CSMD1: variants seen among roughly 807,000 people sequenced by gnomAD.
CSMD1 encodes CUB and Sushi multiple domains 1.
A neutral mutation model predicts 417.5 loss-of-function variants in CSMD1; 213 were observed. That is an observed-to-expected ratio of 0.51 (90% CI 0.46 to 0.57). CSMD1 has a LOEUF of 0.57. Ranked by LOEUF, CSMD1 falls within the 20% of genes least tolerant of loss-of-function variation. The pLI is 0.00. For missense variants in CSMD1, 6,923 were observed against 4,529.7 expected (o/e 1.53, Z -15.17); for synonymous variants, 2,862 against 1,736.8 (o/e 1.65, Z -16.11).
intron 25 of CSMD1, among the ~76,000 whole-genome samples, chr8:3,298,177 G>T (rs771372358): frequency 1.3e-5 from 2 of 152,144 alleles, no homozygotes; most frequent in African/African-American, 4.8e-5. Context: ...AAAACTGATA[G>T]CACCTAATAC....
intron 3 of CSMD1, among the ~76,000 whole-genome samples, chr8:4,085,323 G>A (rs1563104126): frequency 6.6e-6 from 1 of 152,108 alleles, no homozygotes; most frequent in African/African-American, 2.4e-5. Context: ...AAGCTTCTTG[G>A]AGTAAGACAA....
intron 2 of CSMD1, among the ~76,000 whole-genome samples, chr8:4,553,694 A>G (rs1437024390): frequency 6.6e-6 from 1 of 152,178 alleles, no homozygotes; most frequent in African/African-American, 2.4e-5. Context: ...TATTTTTAGG[A>G]TTCTAGAGTG....
chr8:3,976,437 TC>T (rs1813441296), intron 5 of CSMD1, among the ~76,000 whole-genome samples: 1 of 152,304 alleles, frequency 6.6e-6, no homozygotes, highest in Admixed American at 6.5e-5. Context: ...GAAAGCAGTT[TC>T]CTTTTGTTTA....
At chr8:4,873,793 G>C (rs1441077835) in intron 1 of CSMD1, among the ~76,000 whole-genome samples, 5 of 152,036 alleles carry the variant, frequency 3.3e-5, no homozygotes, top group Non-Finnish European at 5.9e-5. Context: ...TTTGAAGCTG[G>C]AATCAACATA....
chr8:4,019,732 C>T (rs947458808), intron 4 of CSMD1, among the ~76,000 whole-genome samples: 5 of 152,148 alleles, frequency 3.3e-5, no homozygotes, highest in Non-Finnish European at 4.4e-5. Context: ...ATGAATGTGC[C>T]TGTTGTAGAA....
At chr8:3,486,152 T>G (rs574220927) in intron 11 of CSMD1, among the ~76,000 whole-genome samples, 1 of 152,386 alleles carries the variant, frequency 6.6e-6, no homozygotes, top group Non-Finnish European at 1.5e-5. Flanking sequence ...TATTTCATTT[T>G]CAAATTTGAT....
At chr8:3,156,840 A>C (rs1819565880) in intron 39 of CSMD1, among the ~76,000 whole-genome samples, 1 of 151,920 alleles carries the variant, frequency 6.6e-6, no homozygotes, top group Admixed American at 6.6e-5. Context: ...TTAGGAGGGG[A>C]CTGTGCCATC....
chr8:4,197,527 C>G (rs1472774858), intron 3 of CSMD1, among the ~76,000 whole-genome samples: 3 of 152,136 alleles, frequency 2.0e-5, no homozygotes, highest in African/African-American at 7.2e-5. Context: ...GTTCCCTTGC[C>G]TGATGGTCTT....
At chr8:4,077,053 C>G (rs1027789384) in intron 3 of CSMD1, among the ~76,000 whole-genome samples, 8 of 151,930 alleles carry the variant, frequency 5.3e-5, no homozygotes, top group Admixed American at 2.6e-4. Context: ...TGGTATCTAA[C>G]CCTTATTCTC....
At chr8:3,770,506 G>A (rs143625069) in intron 5 of CSMD1, among the ~76,000 whole-genome samples, 3 of 152,070 alleles carry the variant, frequency 2.0e-5, no homozygotes, top group Non-Finnish European at 4.4e-5. Flanking sequence ...CCCAGCCTGG[G>A]CAACAAAGTG....
chr8:4,566,761 C>A (rs566630865), intron 2 of CSMD1, among the ~76,000 whole-genome samples: 5 of 145,576 alleles, frequency 3.4e-5, no homozygotes, highest in Admixed American at 3.4e-4. Context: ...CTTTATATAA[C>A]AAAATTTATT....
intron 3 of CSMD1, among the ~76,000 whole-genome samples, chr8:4,410,518 G>A (rs760257718): frequency 6.6e-6 from 1 of 152,164 alleles, no homozygotes; most frequent in Non-Finnish European, 1.5e-5. Context: ...AAGAGAGACA[G>A]AAAGAGACTA....
intron 3 of CSMD1, among the ~76,000 whole-genome samples, chr8:4,121,690 G>C (rs1045163141): frequency 1.3e-5 from 2 of 150,394 alleles, no homozygotes; most frequent in Middle Eastern, 3.6e-3. Flanking sequence ...AAGTTGAAGA[G>C]GGTTTTCATC....
chr8:3,298,692 A>T (rs186476141), intron 25 of CSMD1, among the ~76,000 whole-genome samples: 232 of 152,296 alleles, frequency 1.5e-3, no homozygotes, highest in African/African-American at 5.2e-3. Context: ...GATCTCAGGT[A>T]ATCTGCCCGC....
chr8:3,374,511 A>G (rs1213225700), intron 18 of CSMD1, among the ~76,000 whole-genome samples: 1 of 152,202 alleles, frequency 6.6e-6, no homozygotes, highest in Admixed American at 6.5e-5. Context: ...AAGAACAAGA[A>G]TATTAAGTTG....
chr8:4,815,291 T>C (rs1420374060), intron 1 of CSMD1, among the ~76,000 whole-genome samples: 1 of 152,174 alleles, frequency 6.6e-6, no homozygotes, highest in Admixed American at 6.5e-5. Context: ...TGCATTTGTG[T>C]CCTTCCCTGC....
chr8:3,100,479 G>A (rs890974981), intron 46 of CSMD1, among the ~76,000 whole-genome samples: 4 of 152,188 alleles, frequency 2.6e-5, no homozygotes, highest in Non-Finnish European at 1.5e-5. Flanking sequence ...GAAAGGGACC[G>A]CAGTGCGGTC....
intron 4 of CSMD1, among the ~76,000 whole-genome samples, chr8:4,022,222 AT>A (rs1227237366): frequency 6.0e-5 from 9 of 149,912 alleles, no homozygotes; most frequent in African/African-American, 2.2e-4. Context: ...GTTATTGGTA[AT>A]AAAGGTGCTG....
intron 3 of CSMD1, among the ~76,000 whole-genome samples, chr8:4,277,184 T>C (rs1366853284): frequency 6.9e-6 from 1 of 143,988 alleles, no homozygotes; most frequent in Admixed American, 7.2e-5. Flanking sequence ...TATTTATATG[T>C]CATCTACAGA....
Sources: gnomAD v4.1 joint callset for allele counts (sites outside exome capture counted in the v4.1 genomes callset) on GRCh38, gnomAD v4.1.1 for gene constraint, MANE v1.5 for transcripts, NCBI Gene and HGNC (gene_info 2026-07-23, HGNC 2026-07-21) for gene names.